Variants in COL1A2 observed in about 807,000 individuals in gnomAD.
COL1A2 encodes collagen alpha-2(I) chain.
COL1A2 carries 49 observed loss-of-function variants against 174.3 expected under a neutral mutation model. That is an observed-to-expected ratio of 0.28 (90% confidence interval 0.22 to 0.36). The LOEUF (loss-of-function observed/expected upper bound fraction) is 0.36, where lower values mean the gene tolerates loss of function less well. COL1A2 is among the 10% of genes least tolerant of loss of function. The pLI is 1.00. For synonymous variants in COL1A2, 655 were observed against 606.6 expected (o/e 1.08, Z -1.17); for missense variants, 1,438 against 1,822.7 (o/e 0.79, Z 3.84).
intron 10 of COL1A2, 79 bp downstream of exon 10, chr7:94,405,331 T>C: frequency 7.4e-7 from 1 of 1,359,350 alleles, no homozygotes; most frequent in South Asian, 1.2e-5. Context: ...TCAATCTAAA[T>C]GACAACATAG....
intron 42 of COL1A2, 169 bp from the exon 43 acceptor site, chr7:94,425,441 C>T (rs1584329604): frequency 1.2e-6 from 1 of 860,284 alleles, no homozygotes; most frequent in South Asian, 1.5e-5. Flanking sequence ...GTATTTAAAA[C>T]ATCTCTAAAA....
At chr7:94,406,884 C>T (rs1441423590) in intron 12 of COL1A2, among the ~76,000 whole-genome samples, 1 of 152,080 alleles carries the variant, frequency 6.6e-6, no homozygotes. Context: ...AAAGTGAATA[C>T]CAACGTAATT....
At position 94,430,351 on chromosome 7, in the gene COL1A2, C is replaced by T. The variant is rs1792373264; in HGVS notation, c.4059C>T (p.Asp1353=). 12 of 1,613,966 alleles carry T rather than the reference C, an allele frequency of 7.4e-6. No individual in the cohort carries two copies. In the East Asian group the frequency reaches 2.5e-4, roughly 33 times the overall value. The change falls in exon 52 of 52, where the codon GAC becomes GAT. Residue 1353 remains aspartate, a synonymous_variant. Transcript: ENST00000297268. The part of the protein sequence containing the change: ...DIAPLDIGGA[D]QEFFVDIGPV... ...CACCTTTGGACATCGGTGGTGCTGA[C>T]CAGGAATTCTTTGTGGACATTGGCC...
chr7:94,399,245 A>G (rs1287033883), intron 4 of COL1A2, among the ~76,000 whole-genome samples, 161 bp downstream of exon 4: 1 of 152,224 alleles, frequency 6.6e-6, no homozygotes, highest in Non-Finnish European at 1.5e-5. Context: ...GAGCATTATT[A>G]TATATGATCA....
At chr7:94,403,947 A>G (rs185304649) in intron 6 of COL1A2, among the ~76,000 whole-genome samples, 279 of 152,288 alleles carry the variant, frequency 1.8e-3, no homozygotes, top group Non-Finnish European at 3.3e-3. Flanking sequence ...AATATCATAT[A>G]ATAGACTCTT....
chr7:94,400,388 T>C (rs1268338303), intron 5 of COL1A2, 100 bp downstream of exon 5: 1 of 1,019,426 alleles, frequency 9.8e-7, no homozygotes, highest in Non-Finnish European at 1.5e-6. Flanking sequence ...TTCTTCCATT[T>C]GAAAATTAGT....
chr7:94,421,410 C>T, intron 38 of COL1A2: 1 of 399,888 alleles, frequency 2.5e-6, no homozygotes, highest in Non-Finnish European at 4.6e-6. Flanking sequence ...TCTCTAGAGA[C>T]CCAGAGCTCC....
rs67162110 is a variant in COL1A2 at position 94,412,122 on chromosome 7, G to A, written c.1404+1G>A. On this transcript the variant is annotated splice_donor_variant, in intron 24 of 51. Transcript: ENST00000297268. LOFTEE classifies it high-confidence loss of function. ...CCCCGCTGGAAAAGAAGGTCCTGTC[G>A]TAAGTATTGCTCATTTTCCATTATA... 6 of 1,611,596 alleles carry A rather than the reference G, an allele frequency of 3.7e-6. No individual in the cohort carries two copies. The highest frequency in any genetic ancestry group is 1.7e-5 in the Admixed American group (1 of 59,904).
chr7:94,418,435 A>G, intron 32 of COL1A2, 64 bp from the exon 33 acceptor site: 4 of 1,409,678 alleles, frequency 2.8e-6, no homozygotes, highest in East Asian at 2.3e-5. Flanking sequence ...AAAAAACTTC[A>G]TATTAATTTC....
At chr7:94,416,363 A>G in intron 30 of COL1A2, 42 bp from the exon 31 acceptor site, 1 of 1,499,894 alleles carries the variant, frequency 6.7e-7, no homozygotes, top group Non-Finnish European at 9.1e-7. Context: ...TATCACTGAA[A>G]GTGATGAATG....
chr7:94,426,929 A>G (rs1378774563), intron 46 of COL1A2, 79 bp from the exon 47 acceptor site: 13 of 1,290,420 alleles, frequency 1.0e-5, no homozygotes, highest in Non-Finnish European at 1.4e-5. Flanking sequence ...AAAGTTTCCC[A>G]TTCAATTTGG....
intron 34 of COL1A2, 40 bp from the exon 35 acceptor site, chr7:94,420,193 G>T: frequency 6.2e-7 from 1 of 1,612,254 alleles, no homozygotes; most frequent in Non-Finnish European, 8.5e-7. Context: ...GAGCATCTAT[G>T]TCAGGCACAT....
chr7:94,427,618 C>T lies in COL1A2; in HGVS notation c.3268-9C>T, dbSNP rs763122023. 95 of 1,613,956 alleles carry T rather than the reference C, an allele frequency of 5.9e-5. No individual in the cohort carries two copies. The highest frequency in any genetic ancestry group is 1.6e-4 in the Middle Eastern group (1 of 6,072). On this transcript the variant is annotated splice_polypyrimidine_tract_variant and intron_variant, in intron 48 of 51. Coordinates refer to ENST00000297268, the MANE Select transcript of COL1A2 (RefSeq NM_000089.4). ...TAAAGCCTCTCCTATCTCACTTTCA[C>T]CTTTGCAGGGCCCCCCTGGTCCCCC... is the stretch of plus-strand genomic sequence containing the variant.
chr7:94,403,056 T>C (rs1345199386), intron 6 of COL1A2, among the ~76,000 whole-genome samples: 1 of 152,152 alleles, frequency 6.6e-6, no homozygotes, highest in East Asian at 1.9e-4. Flanking sequence ...TTTCAGCTAA[T>C]GCTGGACATT....
rs193922159 is a variant in COL1A2, at chr7:94,410,478, C to A, written c.1148C>A (p.Pro383His). ...GPSGEEGKRG[P>H]NGEAGSAGPP... ...AGTGGTGAAGAAGGAAAGAGAGGCC[C>A]TAATGGGGAAGCTGGATCTGCCGGC... Residue 383 changes from proline (P) to histidine (H), a missense_variant, in exon 21 of 52, where the codon CCT becomes CAT. Coordinates refer to ENST00000297268, the MANE Select transcript of COL1A2 (RefSeq NM_000089.4). The A allele has an allele frequency of 2.8e-5, 44 of 1,550,294 alleles. No homozygotes were observed. The highest frequency in any genetic ancestry group is 2.2e-4 in the Admixed American group (11 of 51,044).
chr7:94,398,941 G>T, intron 3 of COL1A2, 108 bp from the exon 4 acceptor site: 1 of 1,001,852 alleles, frequency 1.0e-6, no homozygotes, highest in Non-Finnish European at 1.6e-6. Context: ...TAATAACATT[G>T]TAGTTACATC....
Position 94,400,282 on chromosome 7 carries a change from C to T in COL1A2, c.219C>T (p.Leu73=), listed in dbSNP as rs768467735. 3.7e-6 allele frequency: 6 copies of T among 1,613,464 alleles called. No homozygotes were observed. In the Admixed American group the frequency reaches 5.0e-5, roughly 13 times the overall value. Residue 73 remains leucine, a synonymous_variant, in exon 5 of 52, where the codon CTC becomes CTT. Transcript: ENST00000297268. ...GPPGPPGPPG[L]GGNFAAQYDG... ...CTGGTCCTCCTGGCCCCCCTGGTCTCGGTGGGGTAAGGTGTCTTACGTATT... is the reference window on the plus strand; with the variant it reads ...CTGGTCCTCCTGGCCCCCCTGGTCTTGGTGGGGTAAGGTGTCTTACGTATT...
In COL1A2 at chr7:94,430,243, A is replaced by C; in HGVS notation, c.3955-4A>C. 6.2e-7 allele frequency: 1 copy of C among 1,613,512 alleles called. No homozygotes were observed. The highest frequency in any genetic ancestry group is 1.1e-5 in the South Asian group (1 of 91,070). ...TGTGTATCTATTTTCTTCTCTTTAA[A>C]CAGAAAAAGACAAATGAATGGGGAA... On this transcript the variant is annotated splice_region_variant and splice_polypyrimidine_tract_variant and intron_variant, in intron 51 of 51. Coordinates refer to ENST00000297268, the MANE Select transcript of COL1A2 (RefSeq NM_000089.4).
chr7:94,424,936 A>C (rs1329563770), intron 41 of COL1A2, 181 bp from the exon 42 acceptor site: 1 of 641,444 alleles, frequency 1.6e-6, no homozygotes, highest in Non-Finnish European at 2.8e-6. Flanking sequence ...CTGGCCATCT[A>C]CATGTGGAGA....
Sources: gnomAD v4.1 joint callset for allele counts (sites outside exome capture counted in the v4.1 genomes callset) on GRCh38, gnomAD v4.1.1 for gene constraint, MANE v1.5 for transcripts, NCBI Gene and HGNC (gene_info 2026-07-23, HGNC 2026-07-21) for gene names.